Variants in SOX6 observed in about 807,000 individuals in gnomAD.
SOX6 encodes transcription factor SOX-6.
Under a neutral mutation model 97.8 loss-of-function variants are expected in SOX6, and 11 were observed. The observed-to-expected ratio is 0.11, with a 90% CI of 0.07 to 0.19. The LOEUF is 0.19. Ranked by LOEUF, SOX6 falls within the 10% of genes least tolerant of loss-of-function variation. The pLI is 1.00. For missense variants in SOX6, 810 were observed against 1,039.5 expected, an observed-to-expected ratio of 0.78 and a Z score of 3.04; for synonymous variants, 360 against 371.4, an observed-to-expected ratio of 0.97 and a Z score of 0.35.
intron 4 of SOX6, among the ~76,000 whole-genome samples, chr11:16,583,640 C>CATATATATAT (rs1342015213): frequency 5.4e-5 from 5 of 92,772 alleles, no homozygotes; most frequent in Admixed American, 1.1e-4. Flanking sequence ...TATATATACA[C>CATATATATAT]ATACACACAC....
At position 16,468,484 on chromosome 11, in the gene SOX6, A is replaced by G. The variant is rs1046719667; in HGVS notation, c.-5+7831T>C. On this transcript the variant is annotated intron_variant, in intron 1 of 15. Coordinates refer to the SOX6 transcript ENST00000396356. ...TGTTCTTGTGGGTTTGTTTTTCAGT[A>G]TCAATAAATCATCAATATATGATCT... Among the ~76,000 whole-genome samples the G allele has an allele frequency of 1.2e-4, 19 of 152,168 alleles. 1 individual carries two copies. Among genetic ancestry groups the G allele is most frequent in the Admixed American group, 1.2e-3 (19 of 15,274 alleles).
intron 4 of SOX6, among the ~76,000 whole-genome samples, chr11:16,199,392 G>A (rs1399059494): frequency 1.3e-5 from 2 of 152,052 alleles, no homozygotes; most frequent in Non-Finnish European, 2.9e-5. Context: ...CAACAAACTT[G>A]GGAAAATGAT....
intron 3 of SOX6, among the ~76,000 whole-genome samples, chr11:16,626,456 C>T (rs1055650114): frequency 1.3e-5 from 2 of 152,210 alleles, no homozygotes; most frequent in South Asian, 2.1e-4. Flanking sequence ...CATAACATTA[C>T]ACTAAGTCTT....
intron 3 of SOX6, among the ~76,000 whole-genome samples, chr11:16,695,065 G>A (rs1323722863): frequency 6.6e-6 from 1 of 152,134 alleles, no homozygotes; most frequent in African/African-American, 2.4e-5. Context: ...ATCCACAGGA[G>A]GTCTTGGAAT....
At chr11:16,187,515 G>T (rs1851511968) in intron 4 of SOX6, among the ~76,000 whole-genome samples, 1 of 152,030 alleles carries the variant, frequency 6.6e-6, no homozygotes, top group South Asian at 2.1e-4. Context: ...AATTAAAACT[G>T]CCTCAGGTGA....
chr11:16,064,523 TATATATATATATGAAGCC>T (rs879622352), intron 9 of SOX6, among the ~76,000 whole-genome samples: 70 of 136,622 alleles, frequency 5.1e-4, no homozygotes, highest in Middle Eastern at 3.5e-3. Flanking sequence ...GCCATACATA[TATATATATATATGAAGCC>T]ATATATATAT....
chr11:16,619,877 G>A (rs897788083), intron 3 of SOX6, among the ~76,000 whole-genome samples: 1 of 152,020 alleles, frequency 6.6e-6, no homozygotes, highest in African/African-American at 2.4e-5. Flanking sequence ...TATTGAAATT[G>A]AATGTATTTC....
intron 4 of SOX6, among the ~76,000 whole-genome samples, chr11:16,569,661 G>A (rs936311287): frequency 1.9e-4 from 29 of 151,982 alleles, no homozygotes; most frequent in African/African-American, 6.8e-4. Flanking sequence ...GAGGTCAGAA[G>A]TTCGAGACCA....
intron 4 of SOX6, among the ~76,000 whole-genome samples, chr11:16,603,768 A>C (rs959253194): frequency 2.6e-5 from 4 of 152,102 alleles, no homozygotes; most frequent in African/African-American, 9.7e-5. Context: ...CCCTCTTACC[A>C]ATAGTTGAAC....
chr11:16,132,421 GAAAGAAAGAAAGAAAGAAAGAAA>G lies in SOX6; in HGVS notation c.778-20521_778-20499del, dbSNP rs1564972479. On this transcript the variant is annotated intron_variant, in intron 6 of 15. Transcript: ENST00000683767. ...AAGAAAAAAGAAAGAAAGAAAGAAA[GAAAGAAAGAAAGAAAGAAAGAAA>G]AAAGAAAGAAAGAAAGAAAGAAAGA... Among the ~76,000 whole-genome samples, 385 of 95,594 alleles carry G rather than the reference GAAAGAAAGAAAGAAAGAAAGAAA, an allele frequency of 4.0e-3. 25 individuals carry two copies. The East Asian group carries it at 0.047, about 12-fold the overall frequency. 62.7% of individuals were successfully genotyped at this position (95,594 alleles called of 152,430 possible).
intron 4 of SOX6, among the ~76,000 whole-genome samples, chr11:16,213,558 C>T (rs1026304617): frequency 2.0e-5 from 3 of 152,178 alleles, no homozygotes; most frequent in African/African-American, 7.2e-5. Context: ...GAAGGATCAG[C>T]TTTCCCATTA....
rs1453513755 is a variant in SOX6, at chr11:15,974,348, C to CTTTTTT, written c.2184-1242_2184-1237dup. Among the ~76,000 whole-genome samples, 487 of 82,770 alleles carry CTTTTTT rather than the reference C, an allele frequency of 5.9e-3. 7 individuals carry two copies. Among genetic ancestry groups the CTTTTTT allele is most frequent in the African/African-American group, 0.022 (464 of 21,074 alleles). The allele number at this position is 82,770 out of a possible 152,430, so 54.3% of individuals were successfully genotyped here. On this transcript the variant is annotated intron_variant, in intron 15 of 15. Transcript: ENST00000683767. Reference sequence around the variant, plus strand: ...AGAAGTAGCTTAGCTACCTGCCATTCTTTTTTTTGTTTTTTTCTGTTAGCT... The same window carrying CTTTTTT: ...AGAAGTAGCTTAGCTACCTGCCATTCTTTTTTTTTTTTTTGTTTTTTTCTGTTAGCT...
chr11:16,717,162 T>C (rs992983919), intron 2 of SOX6, among the ~76,000 whole-genome samples: 8 of 152,298 alleles, frequency 5.3e-5, no homozygotes, highest in African/African-American at 1.9e-4. Flanking sequence ...AAACTGAGTT[T>C]TTTAAATGTG....
chr11:16,528,819 C>A (rs1189849788), intron 4 of SOX6, among the ~76,000 whole-genome samples: 1 of 152,090 alleles, frequency 6.6e-6, no homozygotes, highest in Non-Finnish European at 1.5e-5. Flanking sequence ...ACTTTTTAGA[C>A]TCTGATTTCA....
At chr11:15,989,260 G>A in intron 13 of SOX6, 30 bp from the exon 14 acceptor site, 2 of 1,550,458 alleles carry the variant, frequency 1.3e-6, no homozygotes, top group Non-Finnish European at 1.8e-6. Flanking sequence ...AGAACAAGAT[G>A]AGTGGAAAGC....
chr11:15,998,507 A>T (rs1240493222), intron 13 of SOX6, among the ~76,000 whole-genome samples: 1 of 142,688 alleles, frequency 7.0e-6, no homozygotes. Flanking sequence ...TCCCAAATTT[A>T]CCTACAGATT....
intron 6 of SOX6, among the ~76,000 whole-genome samples, chr11:16,158,107 A>C (rs186922621): frequency 2.0e-5 from 3 of 152,140 alleles, no homozygotes; most frequent in Non-Finnish European, 4.4e-5. Context: ...GTAGAAATTT[A>C]ATAAGAAAAC....
At chr11:16,321,706 TAG>T (rs1345133189) in intron 2 of SOX6, among the ~76,000 whole-genome samples, 1 of 152,040 alleles carries the variant, frequency 6.6e-6, no homozygotes, top group Non-Finnish European at 1.5e-5. Flanking sequence ...AGCAAGAGGC[TAG>T]AGAGTCATGA....
At chr11:16,541,972 C>A (rs1861416300) in intron 4 of SOX6, among the ~76,000 whole-genome samples, 1 of 152,044 alleles carries the variant, frequency 6.6e-6, no homozygotes, top group Non-Finnish European at 1.5e-5. Context: ...GGGTATATAC[C>A]CAAAGGATTA....
Sources: gnomAD v4.1 joint callset for allele counts (sites outside exome capture counted in the v4.1 genomes callset) on GRCh38, gnomAD v4.1.1 for gene constraint, MANE v1.5 for transcripts, NCBI Gene and HGNC (gene_info 2026-07-23, HGNC 2026-07-21) for gene names.